PTPRG: variants seen among roughly 807,000 people sequenced by gnomAD.
PTPRG encodes protein tyrosine phosphatase receptor type G.
In PTPRG, 102 loss-of-function variants were observed where a neutral mutation model predicts 165.3. The observed-to-expected ratio is 0.62, with a 90% CI of 0.53 to 0.73. The LOEUF is 0.73. PTPRG is among the 30% of genes least tolerant of loss of function. The pLI is 0.00. For missense variants in PTPRG, 1,866 were observed against 1,861.4 expected, an observed-to-expected ratio of 1.00 and a Z score of -0.05; for synonymous variants, 675 against 669.5, an observed-to-expected ratio of 1.01 and a Z score of -0.13.
intron 1 of PTPRG, among the ~76,000 whole-genome samples, chr3:61,716,491 T>C (rs2031812896): frequency 6.6e-6 from 1 of 152,224 alleles, no homozygotes; most frequent in African/African-American, 2.4e-5. Flanking sequence ...AAAGAAATTA[T>C]TGTCCCTTTT....
At chr3:61,820,433 G>A (rs1255526636) in intron 2 of PTPRG, among the ~76,000 whole-genome samples, 1 of 152,066 alleles carries the variant, frequency 6.6e-6, no homozygotes, top group Non-Finnish European at 1.5e-5. Flanking sequence ...CATTGAGGAA[G>A]GCCATCTGCT....
intron 5 of PTPRG, among the ~76,000 whole-genome samples, chr3:62,110,610 A>C (rs1702635554): frequency 6.6e-6 from 1 of 152,088 alleles, no homozygotes; most frequent in African/African-American, 2.4e-5. Context: ...GTGTGTGTGA[A>C]AAGTGCAATA....
intron 2 of PTPRG, among the ~76,000 whole-genome samples, chr3:61,752,795 A>AAGAAAAG (rs1553660801): frequency 9.2e-6 from 1 of 108,218 alleles, no homozygotes; most frequent in African/African-American, 3.6e-5. Context: ...CAAAAAAAAA[A>AAGAAAAG]AAAAAAGAAA....
At chr3:61,925,565 G>A (rs1228101746) in intron 2 of PTPRG, among the ~76,000 whole-genome samples, 2 of 152,128 alleles carry the variant, frequency 1.3e-5, no homozygotes, top group Non-Finnish European at 2.9e-5. Context: ...CCAACATGGT[G>A]AAACCTCATC....
intron 1 of PTPRG, among the ~76,000 whole-genome samples, chr3:61,630,885 G>C (rs886428577): frequency 6.6e-6 from 1 of 151,864 alleles, no homozygotes; most frequent in African/African-American, 2.4e-5. Flanking sequence ...GTAAAATCGT[G>C]TCTCTACTAA....
intron 2 of PTPRG, among the ~76,000 whole-genome samples, chr3:61,905,025 G>A (rs1354238246): frequency 6.6e-6 from 1 of 151,632 alleles, no homozygotes; most frequent in East Asian, 1.9e-4. Context: ...TTTTCCCCCA[G>A]TCCCTAGAAG....
intron 6 of PTPRG, among the ~76,000 whole-genome samples, chr3:62,135,527 A>G (rs939013464): frequency 3.3e-5 from 5 of 152,102 alleles, no homozygotes; most frequent in African/African-American, 1.2e-4. Context: ...TTAATTTCTC[A>G]TTAATTTTTT....
chr3:61,619,050 G>C (rs970131442), intron 1 of PTPRG, among the ~76,000 whole-genome samples: 1 of 151,708 alleles, frequency 6.6e-6, no homozygotes, highest in Non-Finnish European at 1.5e-5. Flanking sequence ...CCAGCTACTC[G>C]GGAGGCTGAG....
intron 1 of PTPRG, among the ~76,000 whole-genome samples, chr3:61,690,158 T>C (rs1476984850): frequency 2.0e-5 from 3 of 152,248 alleles, no homozygotes; most frequent in African/African-American, 7.2e-5. Flanking sequence ...CAATGGACTT[T>C]ACTTGTTACG....
At chr3:61,670,156 G>C (rs1046224910) in intron 1 of PTPRG, among the ~76,000 whole-genome samples, 2 of 152,224 alleles carry the variant, frequency 1.3e-5, no homozygotes, top group Admixed American at 1.3e-4. Context: ...TAAATGCTGA[G>C]TGTTAGCTTT....
intron 1 of PTPRG, among the ~76,000 whole-genome samples, chr3:61,631,784 A>G (rs900576535): frequency 6.6e-6 from 1 of 152,238 alleles, no homozygotes; most frequent in Non-Finnish European, 1.5e-5. Flanking sequence ...TTGCAAGTAC[A>G]TGAAAAGCTT....
chr3:61,742,794 C>G, intron 1 of PTPRG: 1 of 1,609,784 alleles, frequency 6.2e-7, no homozygotes, highest in Non-Finnish European at 8.5e-7. Flanking sequence ...CATCATACTT[C>G]TTGGCCAGCT....
At chr3:62,036,976 C>T (rs935802244) in intron 4 of PTPRG, among the ~76,000 whole-genome samples, 1 of 104,902 alleles carries the variant, frequency 9.5e-6, no homozygotes, top group Non-Finnish European at 2.0e-5. Flanking sequence ...CACGTGCGCG[C>T]GCGCACGCAC....
chr3:61,788,661 G>A (rs906844342), intron 2 of PTPRG, among the ~76,000 whole-genome samples: 7 of 152,194 alleles, frequency 4.6e-5, no homozygotes, highest in African/African-American at 7.2e-5. Context: ...GCTACAGTTT[G>A]TTCTAGACCA....
intron 2 of PTPRG, among the ~76,000 whole-genome samples, chr3:61,963,858 T>C (rs1301170347): frequency 6.6e-6 from 1 of 152,046 alleles, no homozygotes; most frequent in African/African-American, 2.4e-5. Context: ...GTTGAAAATA[T>C]GTGCAATATA....
At chr3:61,616,356 C>G (rs1701296227) in intron 1 of PTPRG, among the ~76,000 whole-genome samples, 1 of 152,208 alleles carries the variant, frequency 6.6e-6, no homozygotes, top group Non-Finnish European at 1.5e-5. Context: ...TGTCCATGTC[C>G]ATATACACAC....
intron 5 of PTPRG, among the ~76,000 whole-genome samples, chr3:62,082,152 C>A (rs564567029): frequency 2.0e-5 from 3 of 152,326 alleles, no homozygotes; most frequent in African/African-American, 7.2e-5. Flanking sequence ...TGCAGAGATA[C>A]CAGTAGTCCA....
chr3:61,974,068 C>G (rs1390145369), intron 2 of PTPRG, among the ~76,000 whole-genome samples: 1 of 152,056 alleles, frequency 6.6e-6, no homozygotes, highest in East Asian at 1.9e-4. Flanking sequence ...CCAAAGTTTT[C>G]TCTTTTCATT....
chr3:61,712,450 T>C (rs2031612000), intron 1 of PTPRG, among the ~76,000 whole-genome samples: 1 of 152,082 alleles, frequency 6.6e-6, no homozygotes, highest in African/African-American at 2.4e-5. Flanking sequence ...ATCTGGAATA[T>C]AATTCCCATG....
Sources: allele counts gnomAD v4.1 joint callset (sites outside exome capture counted in the v4.1 genomes callset), GRCh38; gene constraint gnomAD v4.1.1; transcripts MANE v1.5; gene names NCBI Gene and HGNC (gene_info 2026-07-23, HGNC 2026-07-21).